Variants in NELL2 observed in about 807,000 individuals in gnomAD.
NELL2 encodes neural EGFL like 2.
NELL2 carries 41 observed loss-of-function variants against 109.6 expected under a neutral mutation model. That is an observed-to-expected ratio of 0.37 (90% CI 0.29 to 0.49). NELL2 has a LOEUF of 0.49. NELL2 is among the 20% of genes least tolerant of loss of function. NELL2 has a pLI of 0.98. For synonymous variants in NELL2, 355 were observed against 344.7 expected (o/e 1.03, Z -0.33); for missense variants, 900 against 1,008.3 (o/e 0.89, Z 1.45).
At chr12:44,639,381 C>A (rs577134166) in intron 13 of NELL2, among the ~76,000 whole-genome samples, 1 of 152,144 alleles carries the variant, frequency 6.6e-6, no homozygotes, top group South Asian at 2.1e-4. Context: ...GTTATCATAA[C>A]GACGACCATG....
At chr12:44,885,647 A>G (rs1945462304) in intron 1 of NELL2, among the ~76,000 whole-genome samples, 1 of 151,984 alleles carries the variant, frequency 6.6e-6, no homozygotes, top group African/African-American at 2.4e-5. Context: ...TAAGTGGATA[A>G]AAAGATCTAC....
chr12:44,655,064 C>G (rs1947451458), intron 13 of NELL2, among the ~76,000 whole-genome samples: 1 of 152,128 alleles, frequency 6.6e-6, no homozygotes, highest in African/African-American at 2.4e-5. Flanking sequence ...TCCTTTTATT[C>G]CCCTAGGGGA....
At chr12:44,624,994 GTGTA>G (rs779322285) in intron 13 of NELL2, among the ~76,000 whole-genome samples, 15,811 of 118,382 alleles carry the variant, frequency 0.13, 1,362 homozygotes, top group South Asian at 0.14. Context: ...ATATATGTGT[GTGTA>G]TATATATATA....
At chr12:44,645,996 A>T (rs1947081870) in intron 13 of NELL2, among the ~76,000 whole-genome samples, 1 of 152,142 alleles carries the variant, frequency 6.6e-6, no homozygotes, top group Non-Finnish European at 1.5e-5. Flanking sequence ...TCTTTTATTA[A>T]TTTTAGTTGA....
intron 3 of NELL2, among the ~76,000 whole-genome samples, chr12:44,805,759 T>G (rs946047465): frequency 6.6e-6 from 1 of 151,952 alleles, no homozygotes; most frequent in African/African-American, 2.4e-5. Context: ...TTTGCATTTA[T>G]GCCTATATGT....
intron 16 of NELL2, among the ~76,000 whole-genome samples, chr12:44,525,042 AAAACATAAAC>A (rs1284992379): frequency 1.3e-5 from 2 of 152,228 alleles, no homozygotes; most frequent in Admixed American, 6.5e-5. Flanking sequence ...ATAAGCCAGA[AAAACATAAAC>A]AAACCATAGT....
At chr12:44,849,857 A>T (rs1406409124) in intron 2 of NELL2, among the ~76,000 whole-genome samples, 1 of 152,208 alleles carries the variant, frequency 6.6e-6, no homozygotes, top group Non-Finnish European at 1.5e-5. Flanking sequence ...AAATTTAAAG[A>T]TGTTAACTTA....
chr12:44,898,648 G>A (rs186559760), intron 1 of NELL2, among the ~76,000 whole-genome samples: 8 of 152,250 alleles, frequency 5.3e-5, no homozygotes, highest in Admixed American at 1.3e-4. Flanking sequence ...TGAAGATGAG[G>A]AAAACCAGGC....
chr12:44,894,994 C>G (rs554191250), intron 1 of NELL2, among the ~76,000 whole-genome samples: 1 of 152,124 alleles, frequency 6.6e-6, no homozygotes, highest in Non-Finnish European at 1.5e-5. Context: ...ACTTAATATG[C>G]GACAAGTTGC....
chr12:44,916,518 G>A (rs985259514), upstream of NELL2, among the ~76,000 whole-genome samples: 1 of 151,900 alleles, frequency 6.6e-6, no homozygotes, highest in Non-Finnish European at 1.5e-5. Flanking sequence ...TATTAAATAG[G>A]GCACCACTGT....
chr12:44,534,090 T>C (rs972178981), intron 15 of NELL2, among the ~76,000 whole-genome samples: 1 of 152,088 alleles, frequency 6.6e-6, no homozygotes, highest in Non-Finnish European at 1.5e-5. Flanking sequence ...CTTCCTCCTA[T>C]TTCAGTCTCA....
At chr12:44,792,404 T>A (rs1942467860) in intron 3 of NELL2, among the ~76,000 whole-genome samples, 1 of 152,082 alleles carries the variant, frequency 6.6e-6, no homozygotes, top group Non-Finnish European at 1.5e-5. Flanking sequence ...CTGCTGCGGA[T>A]AATCTTGTAA....
intron 2 of NELL2, among the ~76,000 whole-genome samples, chr12:44,828,912 C>A (rs1373294283): frequency 1.3e-5 from 2 of 152,220 alleles, no homozygotes; most frequent in East Asian, 3.9e-4. Context: ...TAGTAATGAT[C>A]AACCACAATA....
Position 44,679,081 on chromosome 12 carries a change from G to A in NELL2, c.1319-13472C>T, listed in dbSNP as rs567741233. On this transcript the variant is annotated intron_variant, in intron 12 of 19. Coordinates refer to ENST00000429094, the MANE Select transcript of NELL2 (RefSeq NM_001145108.2). ...GAGAACGAAATTGAAAACTGAGTTT[G>A]AAGATATAATAGATGAAGCAAATTT... Among the ~76,000 whole-genome samples the A allele has an allele frequency of 6.0e-4, 91 of 152,260 alleles. No homozygotes were observed. In the South Asian group the frequency reaches 0.018, roughly 30 times the overall value.
At position 44,813,211 on chromosome 12, in the gene NELL2, T is replaced by C. The variant is rs563234918; in HGVS notation, c.335+2775A>G. On this transcript the variant is annotated intron_variant, in intron 3 of 19. Coordinates refer to ENST00000429094, the MANE Select transcript of NELL2 (RefSeq NM_001145108.2). ...TACACTCTTAATCACTCTTGAATAC[T>C]GATGATAAATGAACTAATCACATGT... Among the ~76,000 whole-genome samples the C allele has an allele frequency of 2.6e-5, 4 of 152,324 alleles. No individual in the cohort carries two copies. In the South Asian group the frequency reaches 8.3e-4, roughly 32 times the overall value.
chr12:44,578,075 C>T (rs1944177340), intron 15 of NELL2, among the ~76,000 whole-genome samples: 1 of 152,092 alleles, frequency 6.6e-6, no homozygotes, highest in South Asian at 2.1e-4. Flanking sequence ...AAACGTTATC[C>T]CTTAAATGTA....
chr12:44,909,358 A>G (rs1652694681), intron 1 of NELL2, among the ~76,000 whole-genome samples: 1 of 151,818 alleles, frequency 6.6e-6, no homozygotes, highest in Admixed American at 6.6e-5. Flanking sequence ...GAAAATACCT[A>G]GGAATAGATC....
chr12:44,657,051 G>A (rs1321525536), intron 13 of NELL2, among the ~76,000 whole-genome samples: 1 of 152,054 alleles, frequency 6.6e-6, no homozygotes, highest in Non-Finnish European at 1.5e-5. Flanking sequence ...GGCATGCATG[G>A]GTTACAACTG....
At chr12:44,860,288 G>T (rs1944799793) in intron 2 of NELL2, among the ~76,000 whole-genome samples, 1 of 152,192 alleles carries the variant, frequency 6.6e-6, no homozygotes, top group African/African-American at 2.4e-5. Context: ...AGTTAAATGA[G>T]AACTCAAAAG....
Sources: allele counts gnomAD v4.1 joint callset (sites outside exome capture counted in the v4.1 genomes callset), GRCh38; gene constraint gnomAD v4.1.1; transcripts MANE v1.5; gene names NCBI Gene and HGNC (gene_info 2026-07-23, HGNC 2026-07-21).